GPC5: variants seen among roughly 807,000 people sequenced by gnomAD.
The protein encoded by GPC5 is glypican-5.
GPC5 carries 47 observed loss-of-function variants against 53.9 expected under a neutral mutation model. The ratio of observed to expected loss-of-function variants is 0.87; its 90% CI spans 0.69 to 1.11. The LOEUF is 1.11. Ranked by LOEUF, GPC5 falls within the 50% of genes most tolerant of loss-of-function variation. The probability of loss-of-function intolerance (pLI) is 0.00; values close to 1 mark genes in which losing one functional copy is unlikely to be tolerated. For synonymous variants in GPC5, 286 were observed against 263.3 expected (o/e 1.09, Z -0.84); for missense variants, 748 against 713.1 (o/e 1.05, Z -0.56).
At chr13:92,682,771 C>G (rs1887148150) in intron 7 of GPC5, among the ~76,000 whole-genome samples, 1 of 152,158 alleles carries the variant, frequency 6.6e-6, no homozygotes, top group African/African-American at 2.4e-5. Flanking sequence ...CAAATAGTTT[C>G]TATTTCAAGA....
intron 7 of GPC5, among the ~76,000 whole-genome samples, chr13:92,250,952 C>A (rs1198463229): frequency 1.3e-5 from 2 of 152,104 alleles, no homozygotes; most frequent in African/African-American, 2.4e-5. Flanking sequence ...GATCAGAAAT[C>A]CAAGTTAAAA....
chr13:92,572,262 A>G (rs147897352), intron 7 of GPC5, among the ~76,000 whole-genome samples: 178 of 152,290 alleles, frequency 1.2e-3, no homozygotes, highest in African/African-American at 3.9e-3. Flanking sequence ...TCATCTCTTC[A>G]TTTTCATAGT....
At chr13:92,515,182 A>G (rs1443329832) in intron 7 of GPC5, among the ~76,000 whole-genome samples, 2 of 152,210 alleles carry the variant, frequency 1.3e-5, no homozygotes, top group Non-Finnish European at 2.9e-5. Flanking sequence ...ATATATATTG[A>G]GTGTTTCCAC....
intron 7 of GPC5, among the ~76,000 whole-genome samples, chr13:92,450,243 A>G (rs1262853891): frequency 1.3e-5 from 2 of 152,212 alleles, no homozygotes; most frequent in African/African-American, 4.8e-5. Flanking sequence ...CAGGTCGAGT[A>G]TCCTTTGTAA....
intron 6 of GPC5, among the ~76,000 whole-genome samples, chr13:92,079,116 A>C (rs1345155747): frequency 6.6e-6 from 1 of 151,794 alleles, no homozygotes; most frequent in Non-Finnish European, 1.5e-5. Flanking sequence ...CAGTGGCATG[A>C]TCTTGGCTCA....
intron 7 of GPC5, among the ~76,000 whole-genome samples, chr13:92,474,482 A>G (rs775391676): frequency 6.6e-6 from 1 of 152,026 alleles, no homozygotes; most frequent in Admixed American, 6.6e-5. Flanking sequence ...ATTATGACCT[A>G]CTGAGCAAGG....
chr13:91,622,493 G>A (rs1204929929), intron 2 of GPC5, among the ~76,000 whole-genome samples: 1 of 151,796 alleles, frequency 6.6e-6, no homozygotes, highest in East Asian at 1.9e-4. Flanking sequence ...TTAGGATTTT[G>A]ATTTTTTTTC....
At position 92,334,390 on chromosome 13, in the gene GPC5, A is replaced by G. The variant is rs554388333; in HGVS notation, c.1561+189401A>G. Among the ~76,000 whole-genome samples the G allele has an allele frequency of 2.0e-5, 3 of 152,248 alleles. No homozygotes were observed. The South Asian group carries it at 6.2e-4, about 32-fold the overall frequency. The stretch of plus-strand genomic sequence containing the variant: ...CCCCTATGATTCAATTACCTCCACT[A>G]GGTCCCTCCCATGACACATGGGGAT... On this transcript the variant is annotated intron_variant, in intron 7 of 7. Coordinates refer to ENST00000377067, the MANE Select transcript of GPC5 (RefSeq NM_004466.6).
intron 7 of GPC5, among the ~76,000 whole-genome samples, chr13:92,570,535 T>C (rs1429983984): frequency 6.6e-6 from 1 of 152,134 alleles, no homozygotes; most frequent in Admixed American, 6.6e-5. Flanking sequence ...CAGATATTGT[T>C]CTGTAACTCA....
intron 7 of GPC5, among the ~76,000 whole-genome samples, chr13:92,824,779 T>A (rs529007701): frequency 3.3e-5 from 5 of 151,464 alleles, no homozygotes; most frequent in Non-Finnish European, 7.4e-5. Flanking sequence ...TCTAAAAAAA[T>A]TACTCCTTAT....
At chr13:91,955,198 C>T (rs1014483184) in intron 6 of GPC5, among the ~76,000 whole-genome samples, 13 of 152,208 alleles carry the variant, frequency 8.5e-5, no homozygotes, top group African/African-American at 2.9e-4. Context: ...AAAATTTAAT[C>T]TATGTGTGTT....
intron 2 of GPC5, among the ~76,000 whole-genome samples, chr13:91,536,482 A>T (rs1489022782): frequency 6.6e-6 from 1 of 152,188 alleles, no homozygotes; most frequent in East Asian, 1.9e-4. Context: ...TTTGGAAGAC[A>T]TTATTTAAAA....
At chr13:92,775,143 G>A (rs991171781) in intron 7 of GPC5, among the ~76,000 whole-genome samples, 3 of 152,108 alleles carry the variant, frequency 2.0e-5, no homozygotes, top group Non-Finnish European at 2.9e-5. Context: ...TCCTGCAGCT[G>A]TTGTGTTTTA....
At chr13:91,477,121 T>C (rs922333139) in intron 2 of GPC5, among the ~76,000 whole-genome samples, 1 of 152,164 alleles carries the variant, frequency 6.6e-6, no homozygotes, top group African/African-American at 2.4e-5. Context: ...TGGATGAAGA[T>C]TATGGTTTTA....
chr13:91,792,534 G>A (rs1390192946), intron 5 of GPC5, among the ~76,000 whole-genome samples: 27 of 152,138 alleles, frequency 1.8e-4, no homozygotes, highest in Admixed American at 6.5e-4. Flanking sequence ...TTAGACCCAT[G>A]TAGTTTGGCT....
At chr13:92,849,186 T>G (rs1237488467) in intron 7 of GPC5, among the ~76,000 whole-genome samples, 1 of 152,166 alleles carries the variant, frequency 6.6e-6, no homozygotes, top group Non-Finnish European at 1.5e-5. Context: ...CTTCTCCTCA[T>G]GTGTGTGGTG....
chr13:92,582,329 A>G (rs1187883022), intron 7 of GPC5, among the ~76,000 whole-genome samples: 4 of 151,946 alleles, frequency 2.6e-5, no homozygotes, highest in African/African-American at 4.8e-5. Flanking sequence ...TGTTTTTGGT[A>G]CCTTTATTGA....
At chr13:91,704,933 A>C (rs60890754) in intron 3 of GPC5, among the ~76,000 whole-genome samples, 3 of 152,282 alleles carry the variant, frequency 2.0e-5, no homozygotes, top group African/African-American at 7.2e-5. Flanking sequence ...CTTTCTCTTT[A>C]ATAAAACTTT....
At chr13:91,922,575 G>A (rs992134624) in intron 6 of GPC5, among the ~76,000 whole-genome samples, 6 of 151,974 alleles carry the variant, frequency 3.9e-5, no homozygotes, top group African/African-American at 1.2e-4. Context: ...GTAACTCTTA[G>A]TCATTCGTTA....
Sources: gnomAD v4.1 joint callset for allele counts (sites outside exome capture counted in the v4.1 genomes callset) on GRCh38, gnomAD v4.1.1 for gene constraint, MANE v1.5 for transcripts, NCBI Gene and HGNC (gene_info 2026-07-23, HGNC 2026-07-21) for gene names.